Variants in PALM2AKAP2 observed in about 807,000 individuals in gnomAD.
PALM2AKAP2 encodes the protein PALM2-AKAP2 fusion protein.
A neutral mutation model predicts 71.5 loss-of-function variants in PALM2AKAP2; 37 were observed. That is an observed-to-expected ratio of 0.52 (90% CI 0.40 to 0.68). PALM2AKAP2 has a LOEUF of 0.68. Ranked by LOEUF, PALM2AKAP2 falls within the 30% of genes least tolerant of loss-of-function variation. The pLI, the probability that PALM2AKAP2 is intolerant of heterozygous loss-of-function variation, is 0.00. For synonymous variants in PALM2AKAP2, 468 were observed against 478.8 expected (o/e 0.98, Z 0.29); for missense variants, 1,224 against 1,191.8 (o/e 1.03, Z -0.40).
In PALM2AKAP2 at chr9:110,062,043, G is replaced by A. The variant is rs903120092; in HGVS notation, c.156+13188G>A. 5.3e-5 allele frequency among the ~76,000 whole-genome samples: 8 copies of A among 151,732 alleles called. 1 individual carries two copies. The highest frequency in any genetic ancestry group is 3.3e-4 in the Admixed American group (5 of 15,232). On this transcript the variant is annotated intron_variant, in intron 1 of 3. Transcript: ENST00000374525. ...GTTGTCTCCTTTTACTATGGTTGGGGGTATAAATCTCAGTCCATAAACAAA... is the reference window on the plus strand; with the variant it reads ...GTTGTCTCCTTTTACTATGGTTGGGAGTATAAATCTCAGTCCATAAACAAA...
chr9:109,906,875 G>T (rs1282879743), intron 3 of PALM2AKAP2, among the ~76,000 whole-genome samples: 1 of 152,182 alleles, frequency 6.6e-6, no homozygotes, highest in Non-Finnish European at 1.5e-5. Flanking sequence ...AGACTCATTA[G>T]TGTGGCATTC....
intron 1 of PALM2AKAP2, among the ~76,000 whole-genome samples, chr9:110,076,715 A>G (rs1488186888): frequency 2.6e-5 from 4 of 152,056 alleles, no homozygotes; most frequent in Non-Finnish European, 5.9e-5. Context: ...TAGGGTCCCA[A>G]ATCATGCACA....
chr9:109,706,378 T>C (rs1413909487), intron 1 of PALM2AKAP2, among the ~76,000 whole-genome samples: 1 of 152,112 alleles, frequency 6.6e-6, no homozygotes, highest in African/African-American at 2.4e-5. Context: ...TCCACTACAA[T>C]GGATATTATG....
At chr9:110,000,006 A>AT (rs549899868) in intron 6 of PALM2AKAP2, among the ~76,000 whole-genome samples, 55 of 131,938 alleles carry the variant, frequency 4.2e-4, no homozygotes, top group Non-Finnish European at 7.5e-4. Context: ...ATTTTTCTCT[A>AT]TTTTTTTTCT....
At chr9:109,878,962 C>T (rs1466531085) in intron 2 of PALM2AKAP2, among the ~76,000 whole-genome samples, 1 of 152,214 alleles carries the variant, frequency 6.6e-6, no homozygotes, top group Non-Finnish European at 1.5e-5. Context: ...GTCGCGAACT[C>T]CTGACCTCAG....
intron 1 of PALM2AKAP2, among the ~76,000 whole-genome samples, chr9:109,751,643 A>G (rs1263981567): frequency 6.6e-6 from 1 of 152,194 alleles, no homozygotes; most frequent in Non-Finnish European, 1.5e-5. Flanking sequence ...TTTGAGTAAC[A>G]GTTCAATCAT....
intron 6 of PALM2AKAP2, among the ~76,000 whole-genome samples, chr9:110,005,465 C>T (rs1223728020): frequency 3.9e-5 from 6 of 152,238 alleles, no homozygotes; most frequent in Admixed American, 6.5e-5. Flanking sequence ...TTAGGCTACT[C>T]GGGGGTCAGG....
At chr9:110,170,108 G>A (rs1174851678) in exon 4 of PALM2AKAP2, 4 of 152,318 alleles carry the variant, frequency 2.6e-5, no homozygotes, top group African/African-American at 9.7e-5. Flanking sequence ...GAGGATGCCA[G>A]CTTTAATCTT....
At chr9:110,035,329 G>A (rs953059443) in intron 7 of PALM2AKAP2, among the ~76,000 whole-genome samples, 1 of 142,664 alleles carries the variant, frequency 7.0e-6, no homozygotes, top group Non-Finnish European at 1.5e-5. Flanking sequence ...TGTATTATAT[G>A]TATAATACAT....
intron 6 of PALM2AKAP2, chr9:109,942,847 G>T: frequency 6.2e-7 from 1 of 1,614,144 alleles, no homozygotes; most frequent in South Asian, 1.1e-5. Flanking sequence ...AGGAGGCACC[G>T]TAGTAGAAAA....
intron 1 of PALM2AKAP2, among the ~76,000 whole-genome samples, chr9:109,712,022 A>T (rs935738834): frequency 1.2e-4 from 17 of 144,438 alleles, no homozygotes; most frequent in African/African-American, 4.2e-4. Context: ...TGTGTGTGTG[A>T]GCAACTCACC....
intron 6 of PALM2AKAP2, among the ~76,000 whole-genome samples, chr9:109,990,349 C>T (rs1268957703): frequency 6.6e-6 from 1 of 152,086 alleles, no homozygotes; most frequent in South Asian, 2.1e-4. Flanking sequence ...CGTGAGCCAC[C>T]GTGCCTTGCC....
At chr9:109,857,050 C>T (rs1829186242) in intron 1 of PALM2AKAP2, among the ~76,000 whole-genome samples, 1 of 152,180 alleles carries the variant, frequency 6.6e-6, no homozygotes, top group Non-Finnish European at 1.5e-5. Flanking sequence ...CTGTGAGGTC[C>T]ATGCAGTGTC....
intron 3 of PALM2AKAP2, among the ~76,000 whole-genome samples, chr9:110,158,875 A>G (rs982877043): frequency 2.6e-5 from 4 of 152,200 alleles, no homozygotes; most frequent in African/African-American, 7.2e-5. Flanking sequence ...TGCTCATTTA[A>G]GAGACCCAAA....
At chr9:110,048,635 C>A (rs1833644827), upstream of PALM2AKAP2, 2 of 1,440,138 alleles carry the variant, frequency 1.4e-6, no homozygotes, top group East Asian at 2.8e-5. Context: ...AAGGGGCGGG[C>A]CCCAGGAGCA....
At chr9:109,833,588 T>C (rs927787851) in intron 1 of PALM2AKAP2, among the ~76,000 whole-genome samples, 1 of 152,088 alleles carries the variant, frequency 6.6e-6, no homozygotes, top group Non-Finnish European at 1.5e-5. Flanking sequence ...AAGACCCCCT[T>C]GAGCCTCAAA....
chr9:109,901,917 G>T (rs548370528), intron 3 of PALM2AKAP2, among the ~76,000 whole-genome samples: 1 of 152,078 alleles, frequency 6.6e-6, no homozygotes, highest in Non-Finnish European at 1.5e-5. Context: ...CAGAAGCAGC[G>T]CACGGCTCTG....
At chr9:109,842,463 G>A (rs1259589262) in intron 1 of PALM2AKAP2, among the ~76,000 whole-genome samples, 2 of 152,140 alleles carry the variant, frequency 1.3e-5, no homozygotes, top group African/African-American at 4.8e-5. Flanking sequence ...CTGGTGAGGC[G>A]GGTACGCAGA....
chr9:109,807,064 G>T (rs371430437), intron 1 of PALM2AKAP2, among the ~76,000 whole-genome samples: 14 of 152,302 alleles, frequency 9.2e-5, no homozygotes, highest in African/African-American at 3.1e-4. Context: ...TAGCAGCAGA[G>T]GAGATGGGGA....
Sources: gnomAD v4.1 joint callset for allele counts (sites outside exome capture counted in the v4.1 genomes callset) on GRCh38, gnomAD v4.1.1 for gene constraint, MANE v1.5 for transcripts, NCBI Gene and HGNC (gene_info 2026-07-23, HGNC 2026-07-21) for gene names.